Variants in ANKDD1B observed in about 807,000 individuals in gnomAD.
ANKDD1B encodes ankyrin repeat and death domain-containing protein 1B.
ANKDD1B carries 57 observed loss-of-function variants against 59.7 expected under a neutral mutation model. That is an observed-to-expected ratio of 0.95 (90% CI 0.77 to 1.19). The LOEUF is 1.19. ANKDD1B is among the 50% of genes most tolerant of loss of function. The probability of loss-of-function intolerance (pLI) is 0.00; values close to 1 mark genes in which losing one functional copy is unlikely to be tolerated. For missense variants in ANKDD1B, 602 were observed against 641.9 expected, an observed-to-expected ratio of 0.94 and a Z score of 0.67; for synonymous variants, 216 against 239.5, an observed-to-expected ratio of 0.90 and a Z score of 0.91.
At chr5:75,615,885 A>T (rs1216544010) in intron 1 of ANKDD1B, among the ~76,000 whole-genome samples, 1 of 152,136 alleles carries the variant, frequency 6.6e-6, no homozygotes, top group African/African-American at 2.4e-5. Context: ...GCCCATAACA[A>T]TATTTCCCAA....
chr5:75,626,352 C>A (rs888359676), intron 5 of ANKDD1B, among the ~76,000 whole-genome samples: 6 of 152,184 alleles, frequency 3.9e-5, no homozygotes, highest in Non-Finnish European at 8.8e-5. Flanking sequence ...TGCAGTTTTA[C>A]TGCATTTGTC....
chr5:75,664,353 C>T (rs1189336865), intron 11 of ANKDD1B, among the ~76,000 whole-genome samples: 1 of 152,226 alleles, frequency 6.6e-6, no homozygotes, highest in African/African-American at 2.4e-5. Flanking sequence ...TATATGGATT[C>T]TTTTAAAGGT....
chr5:75,628,798 T>C (rs1325358720), intron 5 of ANKDD1B, among the ~76,000 whole-genome samples: 1 of 152,194 alleles, frequency 6.6e-6, no homozygotes, highest in Non-Finnish European at 1.5e-5. Flanking sequence ...TAAAAATCAT[T>C]GAGGCCTTTC....
intron 8 of ANKDD1B, among the ~76,000 whole-genome samples, chr5:75,653,809 A>G (rs544168591): frequency 1.3e-5 from 2 of 152,226 alleles, no homozygotes; most frequent in South Asian, 4.1e-4. Context: ...AGCCATTACT[A>G]TTTATTGTAT....
At chr5:75,659,523 A>G in intron 10 of ANKDD1B, 142 bp downstream of exon 10, 1 of 645,410 alleles carries the variant, frequency 1.5e-6, no homozygotes, top group Non-Finnish European at 2.7e-6. Context: ...ATAGTCAGTA[A>G]AATACCCCAA....
At chr5:75,665,426 C>A (rs1217395592) in intron 11 of ANKDD1B, among the ~76,000 whole-genome samples, 1 of 152,168 alleles carries the variant, frequency 6.6e-6, no homozygotes, top group East Asian at 1.9e-4. Context: ...TTGGATTCAT[C>A]ATTGTTTCAG....
Position 75,648,265 on chromosome 5 carries a change from A to AT in ANKDD1B, c.799-4875dup, listed in dbSNP as rs1774702573. The stretch of plus-strand genomic sequence containing the variant: ...CTTAAAGTATAATTAAAAAAAAAAA[A>AT]TTAAAAAAAAAAAAAAAAGAATTCA... On this transcript the variant is annotated intron_variant, in intron 7 of 13. Transcript: ENST00000601380. Among the ~76,000 whole-genome samples the AT allele has an allele frequency of 1.1e-3, 11 of 9,832 alleles. No homozygotes were observed. In the South Asian group the frequency reaches 0.023, roughly 21 times the overall value. The allele number at this position is 9,832 out of a possible 152,430, so 6.5% of individuals were successfully genotyped here. A position where few individuals can be genotyped will look rare whatever the true frequency, so the allele number is the denominator to read the frequency against.
At chr5:75,638,953 G>C (rs927166129) in intron 7 of ANKDD1B, among the ~76,000 whole-genome samples, 3 of 152,306 alleles carry the variant, frequency 2.0e-5, no homozygotes. Context: ...TGCTGTCACA[G>C]ACCTCTTTGT....
intron 2 of ANKDD1B, among the ~76,000 whole-genome samples, chr5:75,617,965 G>A (rs948751245): frequency 1.3e-5 from 2 of 151,944 alleles, no homozygotes; most frequent in African/African-American, 4.8e-5. Flanking sequence ...GCTTATGTGT[G>A]GGGATGAGTG....
At chr5:75,665,793 TCTC>T (rs1223298109) in intron 11 of ANKDD1B, among the ~76,000 whole-genome samples, 1 of 151,946 alleles carries the variant, frequency 6.6e-6, no homozygotes, top group Non-Finnish European at 1.5e-5. Flanking sequence ...ATCAAGTTCT[TCTC>T]ATCAGTTTTT....
chr5:75,634,970 A>T lies in ANKDD1B; in HGVS notation c.673A>T (p.Asn225Tyr), dbSNP rs1049702880. The T allele has an allele frequency of 7.8e-6, 12 of 1,534,918 alleles. No individual in the cohort carries two copies. Among genetic ancestry groups the T allele is most frequent in the Non-Finnish European group, 9.6e-6 (11 of 1,145,868 alleles). Residue 225 changes from asparagine (N) to tyrosine (Y), a missense_variant, in exon 6 of 14, where the codon AAC becomes TAC. Around this residue, in one of 3 missense-constraint regions of ANKDD1B, gnomAD observed 317 missense variants for 304.6 expected, o/e 1.04. Coordinates refer to ENST00000601380, the MANE Select transcript of ANKDD1B (RefSeq NM_001276713.2). Reference sequence around the variant, plus strand: ...AATGATAGAAAAACTTACCTTCCTAAACCTGCATACTTCAGAAAAGGACAA... The same window carrying T: ...AATGATAGAAAAACTTACCTTCCTATACCTGCATACTTCAGAAAAGGACAA... ...VEMIEKLTFL[N>Y]LHTSEKDKGG...
chr5:75,625,447 T>G (rs1021569132), intron 3 of ANKDD1B, among the ~76,000 whole-genome samples, 200 bp from the exon 4 acceptor site: 6 of 152,240 alleles, frequency 3.9e-5, no homozygotes, highest in Admixed American at 3.3e-4. Context: ...TTCTTCCAGA[T>G]GGAGAACCAC....
intron 7 of ANKDD1B, among the ~76,000 whole-genome samples, chr5:75,637,226 C>T (rs1256561667): frequency 8.8e-6 from 1 of 113,324 alleles, no homozygotes; most frequent in African/African-American, 3.8e-5. Context: ...GCCTGGGCGA[C>T]AGAGACTCTG....
rs536929560 is a variant in ANKDD1B, at chr5:75,665,444, A to G, written c.1192-1348A>G. ...GATTCATCATTGTTTCAGGAGATGGAATGAGGAGAGAAGGACAAAGTGAAG... is the reference window on the plus strand; with the variant it reads ...GATTCATCATTGTTTCAGGAGATGGGATGAGGAGAGAAGGACAAAGTGAAG... On this transcript the variant is annotated intron_variant, in intron 11 of 13. Coordinates refer to ENST00000601380, the MANE Select transcript of ANKDD1B (RefSeq NM_001276713.2). Among the ~76,000 whole-genome samples the G allele has an allele frequency of 3.2e-3, 488 of 152,270 alleles. 3 individuals are homozygous for G. Among genetic ancestry groups the G allele is most frequent in the Admixed American group, 7.6e-3 (117 of 15,298 alleles).
chr5:75,634,247 A>G (rs887181928), intron 5 of ANKDD1B, among the ~76,000 whole-genome samples: 1 of 152,208 alleles, frequency 6.6e-6, no homozygotes, highest in Non-Finnish European at 1.5e-5. Context: ...AAAATTCTAT[A>G]TTTGAGCTTA....
chr5:75,670,928 C>G (rs902977725), intron 13 of ANKDD1B, 51 bp from the exon 14 acceptor site: 1 of 669,434 alleles, frequency 1.5e-6, no homozygotes, highest in Non-Finnish European at 2.1e-6. Context: ...GGTAGACAAT[C>G]AGTGCTTTAA....
chr5:75,616,437 T>C (rs1581127260), intron 1 of ANKDD1B, among the ~76,000 whole-genome samples: 1 of 152,264 alleles, frequency 6.6e-6, no homozygotes, highest in African/African-American at 2.4e-5. Context: ...GTAGGAGCAT[T>C]TGGACTCCTC....
intron 1 of ANKDD1B, 70 bp downstream of exon 1, chr5:75,611,897 T>A (rs1418510135): frequency 1.7e-6 from 2 of 1,178,276 alleles, no homozygotes; most frequent in Admixed American, 4.2e-5. Flanking sequence ...CTTGAGAAGG[T>A]ACCCAGAGCA....
intron 9 of ANKDD1B, among the ~76,000 whole-genome samples, chr5:75,657,403 CAAAG>C (rs1775004891): frequency 6.6e-6 from 1 of 151,870 alleles, no homozygotes. Flanking sequence ...AAGTCCCCAG[CAAAG>C]AAAGATAACT....
Sources: gnomAD v4.1 joint callset for allele counts (sites outside exome capture counted in the v4.1 genomes callset) on GRCh38, gnomAD v4.1.1 for gene constraint, gnomAD v4.1.1 regional missense constraint, MANE v1.5 for transcripts, NCBI Gene and HGNC (gene_info 2026-07-23, HGNC 2026-07-21) for gene names.